The following NEK1 variants were observed in gnomAD, a reference collection of about 807,000 sequenced individuals.
The protein encoded by NEK1 is NIMA related kinase 1.
NEK1 carries 137 observed loss-of-function variants against 182.1 expected under a neutral mutation model. The observed-to-expected ratio is 0.75, with a 90% CI of 0.65 to 0.87. The LOEUF (loss-of-function observed/expected upper bound fraction) is 0.87, where lower values mean the gene tolerates loss of function less well. Among genes scored for constraint, NEK1 ranks in the 40% least tolerant of loss-of-function variants. NEK1 has a pLI of 0.00. For synonymous variants in NEK1, 513 were observed against 492.2 expected (o/e 1.04, Z -0.56); for missense variants, 1,391 against 1,494.4 (o/e 0.93, Z 1.14).
intron 19 of NEK1, among the ~76,000 whole-genome samples, chr4:169,524,985 A>T (rs1756677896): frequency 6.6e-6 from 1 of 152,204 alleles, no homozygotes; most frequent in Non-Finnish European, 1.5e-5. Context: ...CCCTTTACAG[A>T]AAAATGTTTG....
intron 23 of NEK1, among the ~76,000 whole-genome samples, chr4:169,499,144 C>T (rs1392743550): frequency 1.3e-5 from 2 of 152,150 alleles, no homozygotes; most frequent in Non-Finnish European, 2.9e-5. Context: ...CGCTTCATTT[C>T]ATTCATTTGA....
At chr4:169,465,577 T>C (rs777523401) in intron 26 of NEK1, among the ~76,000 whole-genome samples, 1 of 152,004 alleles carries the variant, frequency 6.6e-6, no homozygotes, top group Non-Finnish European at 1.5e-5. Flanking sequence ...TAGAGAAAGT[T>C]TAGAGAAAAG....
At chr4:169,590,900 A>C (rs766158131) in intron 5 of NEK1, 91 bp from the exon 6 acceptor site, 1 of 834,410 alleles carries the variant, frequency 1.2e-6, no homozygotes, top group Non-Finnish European at 1.9e-6. Context: ...AATCCTTAAA[A>C]AGATATTTTA....
intron 12 of NEK1, among the ~76,000 whole-genome samples, chr4:169,571,179 A>AAAATAAATAAAAAAAT (rs1764766764): frequency 7.0e-6 from 1 of 143,296 alleles, no homozygotes; most frequent in Admixed American, 7.0e-5. Context: ...GATCAATAAA[A>AAAATAAATAAAAAAAT]AAATAAATAA....
At chr4:169,549,464 C>T (rs1350498038) in intron 18 of NEK1, among the ~76,000 whole-genome samples, 1 of 152,206 alleles carries the variant, frequency 6.6e-6, no homozygotes, top group South Asian at 2.1e-4. Context: ...CTCTTGTCGC[C>T]AAGGCTGGAG....
Position 169,479,501 on chromosome 4 carries a change from A to G in NEK1, c.2041T>C (p.Ser681Pro), listed in dbSNP as rs1407302741. ...GTTTCATGCTGTCCCAAAGGTGGAG[A>G]AACATCAGAACTCTTAACTCCTTTA... ...VAKGVKSSDV[S>P]PPLGQHETGG... The change falls in exon 24 of 36, where the codon TCT (serine) becomes CCT (proline). Residue 681 changes from serine (S) to proline (P), a missense_variant. By Grantham distance (74) the Ser-to-Pro change is moderately conservative. Transcript: ENST00000507142. 6.2e-7 allele frequency: 1 copy of G among 1,610,752 alleles called. No homozygotes were observed. The highest frequency in any genetic ancestry group is 1.3e-5 in the African/African-American group (1 of 74,790).
At chr4:169,608,785 A>G (rs1346288389) in intron 2 of NEK1, among the ~76,000 whole-genome samples, 1 of 152,118 alleles carries the variant, frequency 6.6e-6, no homozygotes, top group African/African-American at 2.4e-5. Context: ...TTGGCCGGGC[A>G]TGGTGGCTCA....
chr4:169,433,367 A>G (rs1737788725), intron 29 of NEK1, among the ~76,000 whole-genome samples, 178 bp downstream of exon 29: 1 of 152,208 alleles, frequency 6.6e-6, no homozygotes, highest in Non-Finnish European at 1.5e-5. Context: ...GCCTCTTCAA[A>G]TATTTTATAT....
chr4:169,497,582 C>T (rs1305807179), intron 23 of NEK1, among the ~76,000 whole-genome samples: 3 of 152,286 alleles, frequency 2.0e-5, no homozygotes, highest in Middle Eastern at 3.4e-3. Context: ...TTGAGTGTGT[C>T]CCAGAGATTC....
intron 12 of NEK1, among the ~76,000 whole-genome samples, chr4:169,570,552 G>A (rs1164830910): frequency 1.3e-5 from 2 of 150,766 alleles, no homozygotes; most frequent in Non-Finnish European, 3.0e-5. Flanking sequence ...CGGGAGGGAG[G>A]TGGGGGGGTC....
At position 169,507,131 on chromosome 4, in the gene NEK1, G is replaced by A; in HGVS notation, c.1913C>T (p.Ala638Val). The change falls in exon 23 of 36, where the codon GCC becomes GTC. Residue 638 changes from alanine to valine, a missense_variant and splice_region_variant. Physicochemically the swap from Ala to Val is moderately conservative, Grantham distance 64 (BLOSUM62 0). Around this residue, in one of 5 missense-constraint regions of NEK1, gnomAD observed 1,216 missense variants for 1,277.6 expected, o/e 0.95. Transcript: ENST00000507142. Reference sequence around the variant, plus strand: ...TACAGCAGCACGTGCATTTGCATGGGCCTAAAAATAAAAACAATTAACAAA... The same window carrying A: ...TACAGCAGCACGTGCATTTGCATGGACCTAAAAATAAAAACAATTAACAAA... ...MRRKKIESLK[A>V]HANARAAVLK... 6.4e-7 allele frequency: 1 copy of A among 1,573,576 alleles called. No homozygotes were observed. Among genetic ancestry groups the A allele is most frequent in the South Asian group, 1.2e-5 (1 of 83,292 alleles).
intron 11 of NEK1, among the ~76,000 whole-genome samples, chr4:169,580,494 C>CAAAAA (rs11348370): frequency 9.1e-5 from 6 of 65,838 alleles, no homozygotes; most frequent in Admixed American, 2.0e-4. Flanking sequence ...AACTTCATCT[C>CAAAAA]AAAAAAAAAA....
chr4:169,540,871 C>CT lies in NEK1; in HGVS notation c.1563-2961dup, dbSNP rs1187231067. Among the ~76,000 whole-genome samples, 521 of 143,600 alleles carry CT rather than the reference C, an allele frequency of 3.6e-3. 4 individuals carry two copies. Among genetic ancestry groups the CT allele is most frequent in the African/African-American group, 0.011 (430 of 39,486 alleles). The allele number at this position is 143,600 out of a possible 152,430, so 94.2% of individuals were successfully genotyped here. A position where few individuals can be genotyped will look rare whatever the true frequency, so the allele number is the denominator to read the frequency against. On this transcript the variant is annotated intron_variant, in intron 18 of 35. Transcript: ENST00000507142. Reference sequence around the variant, plus strand: ...AATAATTATTCCAAGACAAACTTTCCTTTTTTTTTTTAGCCCTGACAAGAG... The same window carrying CT: ...AATAATTATTCCAAGACAAACTTTCCTTTTTTTTTTTTAGCCCTGACAAGAG...
At chr4:169,483,840 T>C (rs1748549875) in intron 23 of NEK1, among the ~76,000 whole-genome samples, 1 of 126,270 alleles carries the variant, frequency 7.9e-6, no homozygotes, top group Admixed American at 9.9e-5. Context: ...CACTCCAGCC[T>C]GGGCGACAGA....
At chr4:169,470,919 T>C (rs962593110) in intron 26 of NEK1, among the ~76,000 whole-genome samples, 5 of 152,246 alleles carry the variant, frequency 3.3e-5, no homozygotes, top group East Asian at 1.9e-4. Context: ...GATTTGGCTA[T>C]TGATACTTGT....
At chr4:169,395,505 T>G (rs539540109) in intron 35 of NEK1, among the ~76,000 whole-genome samples, 3 of 152,334 alleles carry the variant, frequency 2.0e-5, no homozygotes, top group Admixed American at 2.0e-4. Flanking sequence ...AATCCAACTT[T>G]GATGTCCTCT....
intron 2 of NEK1, among the ~76,000 whole-genome samples, chr4:169,605,540 TTG>T (rs1341055881): frequency 1.4e-4 from 22 of 152,220 alleles, no homozygotes; most frequent in Non-Finnish European, 7.4e-5. Flanking sequence ...TACTTCCTAG[TTG>T]TGAGACTTCT....
intron 27 of NEK1, among the ~76,000 whole-genome samples, chr4:169,454,089 C>A (rs1742372538): frequency 6.6e-6 from 1 of 152,188 alleles, no homozygotes; most frequent in South Asian, 2.1e-4. Context: ...AAAGGATTCC[C>A]TATTTAATAA....
chr4:169,574,533 C>A (rs533104838), intron 12 of NEK1, among the ~76,000 whole-genome samples: 1 of 150,150 alleles, frequency 6.7e-6, no homozygotes, highest in East Asian at 2.0e-4. Context: ...CGTGAACCCG[C>A]GAGGCGGAGC....
Sources: allele counts gnomAD v4.1 joint callset (sites outside exome capture counted in the v4.1 genomes callset), GRCh38; gene constraint gnomAD v4.1.1; regional missense constraint gnomAD v4.1.1; transcripts MANE v1.5; gene names NCBI Gene and HGNC (gene_info 2026-07-23, HGNC 2026-07-21).